LAMA1: variants seen among roughly 807,000 people sequenced by gnomAD.
LAMA1 encodes the protein laminin subunit alpha 1, also known as laminin subunit alpha-1.
LAMA1 carries 219 observed loss-of-function variants against 348.7 expected under a neutral mutation model. The ratio of observed to expected loss-of-function variants is 0.63; its 90% CI spans 0.56 to 0.70. LAMA1 has a LOEUF of 0.70. Ranked by LOEUF, LAMA1 falls within the 30% of genes least tolerant of loss-of-function variation. The probability of loss-of-function intolerance (pLI) is 0.00; values close to 1 mark genes in which losing one functional copy is unlikely to be tolerated. For missense variants in LAMA1, 3,744 were observed against 3,888.0 expected (o/e 0.96, Z 0.99); for synonymous variants, 1,487 against 1,491.0 (o/e 1.00, Z 0.06).
intron 1 of LAMA1, among the ~76,000 whole-genome samples, chr18:7,104,637 C>G (rs1047037693): frequency 7.2e-5 from 11 of 152,152 alleles, no homozygotes; most frequent in African/African-American, 2.4e-4. Context: ...CAGGGTCAGA[C>G]CACACAGGGC....
intron 1 of LAMA1, among the ~76,000 whole-genome samples, chr18:7,116,389 CTA>C (rs1286088800): frequency 6.6e-6 from 1 of 152,230 alleles, no homozygotes; most frequent in Admixed American, 6.5e-5. Flanking sequence ...TGGCTGATAA[CTA>C]TGTAAATTCC....
At chr18:7,038,769 A>C (rs2144177313) in intron 11 of LAMA1, 41 bp downstream of exon 11, 1 of 1,610,166 alleles carries the variant, frequency 6.2e-7, no homozygotes, top group Non-Finnish European at 8.5e-7. Context: ...GTGCAATACG[A>C]CCTGCTCATT....
intron 1 of LAMA1, among the ~76,000 whole-genome samples, chr18:7,096,545 C>T (rs1389658769): frequency 6.6e-6 from 1 of 151,938 alleles, no homozygotes; most frequent in East Asian, 1.9e-4. Flanking sequence ...GTCCCAGCTA[C>T]TCAGGAAGCT....
chr18:7,093,863 C>T (rs2058249985), intron 1 of LAMA1, among the ~76,000 whole-genome samples: 1 of 151,250 alleles, frequency 6.6e-6, no homozygotes, highest in Non-Finnish European at 1.5e-5. Flanking sequence ...CATCCTCCGC[C>T]TCCCGGGTTC....
rs759093705 is a variant in LAMA1 at position 7,026,105 on chromosome 18, G to A, written c.2276C>T (p.Ala759Val). 1.9e-5 allele frequency: 30 copies of A among 1,610,836 alleles called. No homozygotes were observed. Among genetic ancestry groups the A allele is most frequent in the Admixed American group, 3.3e-5 (2 of 59,710 alleles). The change falls in exon 17 of 63, where the codon GCG becomes GTG. Residue 759 changes from alanine (A) to valine (V), a missense_variant and splice_region_variant. Around this residue, in one of 3 missense-constraint regions of LAMA1, gnomAD observed 1,529 missense variants for 1,689.4 expected, o/e 0.91. Transcript: ENST00000389658. ...GACGCCGGTGGTGTTGTGCGCACAC[G>A]CCTAGGAACATGCACCAGAAGAATC... ...AECNVHGVCI[A>V]CAHNTTGVHC...
At chr18:7,055,415 T>C (rs1236708826) in intron 3 of LAMA1, among the ~76,000 whole-genome samples, 1 of 134,930 alleles carries the variant, frequency 7.4e-6, no homozygotes, top group Non-Finnish European at 1.5e-5. Context: ...ATCGCACCAC[T>C]GCACTCCCAG....
intron 49 of LAMA1, 33 bp downstream of exon 49, chr18:6,966,114 C>T: frequency 6.2e-7 from 1 of 1,612,024 alleles, no homozygotes; most frequent in Non-Finnish European, 8.5e-7. Context: ...TGTGTGTATA[C>T]AGTAGGGCCT....
intron 19 of LAMA1, among the ~76,000 whole-genome samples, chr18:7,020,383 A>C (rs1412963997): frequency 2.0e-5 from 3 of 152,180 alleles, no homozygotes; most frequent in Non-Finnish European, 4.4e-5. Context: ...CGCTTGCTTT[A>C]GAGAAGGTCA....
chr18:6,965,428 T>G lies in LAMA1; in HGVS notation c.7055A>C (p.Asp2352Ala). The G allele has an allele frequency of 6.2e-7, 1 of 1,614,154 alleles. No homozygotes were observed. Among genetic ancestry groups the G allele is most frequent in the Non-Finnish European group, 8.5e-7 (1 of 1,180,018 alleles). ...ACGAAACAGCTCGATGGATAAAAAG[T>G]CTTTCTGTAAAAAAGAGAACACAGT... Reference protein sequence around the residue: ...LLYLGSYGTKDFLSIELFRGR... With the variant: ...LLYLGSYGTKAFLSIELFRGR... The change falls in exon 50 of 63, where the codon GAC becomes GCC. Residue 2352 changes from aspartate (D) to alanine (A), a missense_variant. By Grantham distance (126) the Asp-to-Ala change is moderately radical. This residue lies in a region of LAMA1 where 1,983 missense variants were observed against 1,934.3 expected (regional missense o/e 1.03). Transcript: ENST00000389658.
intron 4 of LAMA1, 73 bp downstream of exon 4, chr18:7,050,621 G>A (rs2058058473): frequency 6.2e-6 from 10 of 1,604,724 alleles, no homozygotes; most frequent in South Asian, 1.1e-5. Context: ...TATTGAGAGA[G>A]ATCAATTTTG....
At chr18:7,017,419 A>C (rs765313618) in intron 19 of LAMA1, 35 bp from the exon 20 acceptor site, 5 of 1,435,300 alleles carry the variant, frequency 3.5e-6, no homozygotes, top group Non-Finnish European at 4.9e-6. Context: ...ATTAACCCTC[A>C]CTTCTGAGGA....
chr18:7,040,020 C>T lies in LAMA1; in HGVS notation c.1422+56G>A, dbSNP rs1336189621. 3 of 1,587,978 alleles carry T rather than the reference C, an allele frequency of 1.9e-6. No homozygotes were observed. In the African/African-American group the frequency reaches 4.0e-5, roughly 21 times the overall value. On this transcript the variant is annotated intron_variant, in intron 10 of 62. Coordinates refer to ENST00000389658, the MANE Select transcript of LAMA1 (RefSeq NM_005559.4). Reference sequence around the variant, plus strand: ...ATCATTGGAGCCAATGGAAAACACTCCTTTTCCAGAGAAGCTCAAAGGAAG... The same window carrying T: ...ATCATTGGAGCCAATGGAAAACACTTCTTTTCCAGAGAAGCTCAAAGGAAG...
At chr18:6,949,875 T>C (rs2057538541) in intron 58 of LAMA1, among the ~76,000 whole-genome samples, 1 of 152,210 alleles carries the variant, frequency 6.6e-6, no homozygotes, top group Non-Finnish European at 1.5e-5. Flanking sequence ...GCATAAACTC[T>C]AACCAGCCAT....
At position 6,950,991 on chromosome 18, in the gene LAMA1, A is replaced by T; in HGVS notation, c.8208-20T>A. The T allele has an allele frequency of 6.2e-7, 1 of 1,609,634 alleles. No homozygotes were observed. Among genetic ancestry groups the T allele is most frequent in the Non-Finnish European group, 8.5e-7 (1 of 1,178,038 alleles). On this transcript the variant is annotated intron_variant, in intron 57 of 62. Transcript: ENST00000389658. ...GAGAGCCTGGGGAAAACAAGTGCTC[A>T]GCGTTGAGAAAGGAAACTTTTACTT...
At chr18:6,990,348 G>A (rs967989635) in intron 36 of LAMA1, among the ~76,000 whole-genome samples, 9 of 152,096 alleles carry the variant, frequency 5.9e-5, no homozygotes, top group African/African-American at 2.2e-4. Context: ...GGTAACGGTG[G>A]GAGGGGAGAG....
At position 7,054,455 on chromosome 18, in the gene LAMA1, A is replaced by C. The variant is rs560474418; in HGVS notation, c.346-3519T>G. Among the ~76,000 whole-genome samples the C allele has an allele frequency of 2.6e-5, 4 of 152,106 alleles. No homozygotes were observed. The South Asian group carries it at 8.3e-4, about 31-fold the overall frequency. ...GACAGTAAACTTAGATTACTAACTCAGGTTGGGGTAGCAAGCAACAAAAAA... is the reference window on the plus strand; with the variant it reads ...GACAGTAAACTTAGATTACTAACTCCGGTTGGGGTAGCAAGCAACAAAAAA... On this transcript the variant is annotated intron_variant, in intron 3 of 62. Coordinates refer to ENST00000389658, the MANE Select transcript of LAMA1 (RefSeq NM_005559.4).
chr18:7,075,870 G>A (rs555502696), intron 3 of LAMA1, among the ~76,000 whole-genome samples: 1 of 152,004 alleles, frequency 6.6e-6, no homozygotes, highest in East Asian at 1.9e-4. Context: ...CTGGGAGGCA[G>A]AGGTTGCAGT....
chr18:7,110,884 T>C (rs375644747), intron 1 of LAMA1, among the ~76,000 whole-genome samples: 20 of 65,028 alleles, frequency 3.1e-4, no homozygotes, highest in African/African-American at 1.7e-3. Flanking sequence ...GGGTTTTTTT[T>C]CCCTCCCCCC....
intron 3 of LAMA1, among the ~76,000 whole-genome samples, chr18:7,052,952 G>A (rs756463358): frequency 4.0e-5 from 6 of 148,956 alleles, no homozygotes; most frequent in African/African-American, 9.9e-5. Flanking sequence ...CCCAGGAGGC[G>A]GAGGTTGTAG....
Sources: allele counts gnomAD v4.1 joint callset (sites outside exome capture counted in the v4.1 genomes callset), GRCh38; gene constraint gnomAD v4.1.1; regional missense constraint gnomAD v4.1.1; transcripts MANE v1.5; gene names NCBI Gene and HGNC (gene_info 2026-07-23, HGNC 2026-07-21).